The following ECHS1 variants were observed in gnomAD, a reference collection of about 807,000 sequenced individuals.
ECHS1 encodes enoyl-CoA hydratase, mitochondrial.
In ECHS1, 19 loss-of-function variants were observed where a neutral mutation model predicts 33.5. The ratio of observed to expected loss-of-function variants is 0.57; its 90% CI spans 0.40 to 0.83. The LOEUF (loss-of-function observed/expected upper bound fraction) is 0.83, where lower values mean the gene tolerates loss of function less well. ECHS1 is among the 40% of genes least tolerant of loss of function. The pLI, the probability that ECHS1 is intolerant of heterozygous loss-of-function variation, is 0.00. For missense variants in ECHS1, 365 were observed against 381.3 expected (o/e 0.96, Z 0.36); for synonymous variants, 158 against 146.6 (o/e 1.08, Z -0.56).
At chr10:133,371,521 C>T (rs375730662) in intron 1 of ECHS1, 1 of 154,570 alleles carries the variant, frequency 6.5e-6, no homozygotes, top group African/African-American at 2.4e-5. Flanking sequence ...CAACTGGACG[C>T]AGGGTGGGGG....
chr10:133,369,025 G>A lies in ECHS1; in HGVS notation c.415-3C>T, dbSNP rs1849070393. On this transcript the variant is annotated splice_polypyrimidine_tract_variant and splice_region_variant and intron_variant, in intron 3 of 7. Transcript: ENST00000368547. Reference sequence around the variant, plus strand: ...GCAAGCTCACAGCCCCCGCCAAACTGTAAAACATTCGGCATCAGGAGAGTC... The same window carrying A: ...GCAAGCTCACAGCCCCCGCCAAACTATAAAACATTCGGCATCAGGAGAGTC... 1 of 1,613,138 alleles carries A rather than the reference G, an allele frequency of 6.2e-7. No individual in the cohort carries two copies. Among genetic ancestry groups the A allele is most frequent in the South Asian group, 1.1e-5 (1 of 91,076 alleles).
In ECHS1 at chr10:133,362,606, C is replaced by T. The variant is rs1193028989; in HGVS notation, c.*262G>A. The T allele has an allele frequency of 1.3e-5, 7 of 526,840 alleles. No homozygotes were observed. Among genetic ancestry groups the T allele is most frequent in the African/African-American group, 3.8e-5 (2 of 52,254 alleles). The allele number at this position is 526,840 out of a possible 1,614,324, so 32.6% of individuals were successfully genotyped here. On this transcript the variant is annotated 3_prime_UTR_variant, in exon 8 of 8. Transcript: ENST00000368547. ...GGACCCGCAGGCCCCGCTTTCCGTCCGAGCACAGCATGCCCAGAGGGACCA... is the reference window on the plus strand; with the variant it reads ...GGACCCGCAGGCCCCGCTTTCCGTCTGAGCACAGCATGCCCAGAGGGACCA...
chr10:133,368,553 G>GA (rs1849062753), intron 4 of ECHS1, among the ~76,000 whole-genome samples: 1 of 152,074 alleles, frequency 6.6e-6, no homozygotes, highest in South Asian at 2.1e-4. Flanking sequence ...CAGGCCATGT[G>GA]ACCTCCATGG....
At chr10:133,364,567 C>T (rs190452347) in intron 7 of ECHS1, 91 bp downstream of exon 7, 61 of 1,044,244 alleles carry the variant, frequency 5.8e-5, no homozygotes, top group South Asian at 3.0e-4. Context: ...CAGAAAGAAA[C>T]GATACTTAAT....
intron 5 of ECHS1, 52 bp downstream of exon 5, chr10:133,366,837 G>A: frequency 6.9e-7 from 1 of 1,453,240 alleles, no homozygotes; most frequent in East Asian, 2.3e-5. Flanking sequence ...GTTTCTGTGG[G>A]GCTCCCACCC....
rs754134439 is a variant in ECHS1 at position 133,370,777 on chromosome 10, A to T, written c.89-20T>A. On this transcript the variant is annotated intron_variant, in intron 1 of 7. Transcript: ENST00000368547. ...TAGCACCTGGAGCAAGAAGGCAAAA[A>T]GGGGTATCTATTCACACAGGTATCA... 1.9e-5 allele frequency: 30 copies of T among 1,600,708 alleles called. No individual in the cohort carries two copies. The highest frequency in any genetic ancestry group is 2.4e-5 in the Non-Finnish European group (28 of 1,173,496).
rs372224994 is a variant in ECHS1, at chr10:133,362,968, C to T, written c.808-35G>A. 2.5e-5 allele frequency: 40 copies of T among 1,610,190 alleles called. No individual in the cohort carries two copies. The African/African-American group carries it at 2.8e-4, about 11-fold the overall frequency. The stretch of plus-strand genomic sequence containing the variant: ...AAAGGAACAGAAACAGAGCTGGACG[C>T]GCAGTATCCTCACAGAGCCTGATGC... On this transcript the variant is annotated intron_variant, in intron 7 of 7. Transcript: ENST00000368547.
At position 133,368,981 on chromosome 10, in the gene ECHS1, G is replaced by A. The variant is rs1348315184; in HGVS notation, c.456C>T (p.Ile152=). The A allele has an allele frequency of 6.2e-7, 1 of 1,613,680 alleles. No individual in the cohort carries two copies. Among genetic ancestry groups the A allele is most frequent in the South Asian group, 1.1e-5 (1 of 91,074 alleles). Residue 152 remains isoleucine (I), a synonymous_variant, in exon 4 of 8, where the codon ATC becomes ATT. Transcript: ENST00000368547. The stretch of plus-strand genomic sequence containing the variant: ...CAAACTGGGCCTTCTCACCGGCATA[G>A]ATGATATCACACATCATGGCAAGCT... The part of the protein sequence containing the change: ...GCELAMMCDI[I]YAGEKAQFAQ...
chr10:133,372,676 G>A (rs1468082107), intron 1 of ECHS1, among the ~76,000 whole-genome samples: 2 of 137,276 alleles, frequency 1.5e-5, no homozygotes, highest in East Asian at 4.0e-4. Flanking sequence ...TGCAGAGCCA[G>A]GCAGGGGGTG....
intron 4 of ECHS1, among the ~76,000 whole-genome samples, chr10:133,367,486 C>T (rs1452937091): frequency 6.6e-6 from 1 of 151,558 alleles, no homozygotes; most frequent in Non-Finnish European, 1.5e-5. Context: ...TTCTGTCACA[C>T]CTGCATAAGG....
At position 133,373,353 on chromosome 10, in the gene ECHS1, C is replaced by T; in HGVS notation, c.-20G>A. On this transcript the variant is annotated 5_prime_UTR_variant, in exon 1 of 8. Coordinates refer to ENST00000368547, the MANE Select transcript of ECHS1 (RefSeq NM_004092.4). ...GGCCATGGCTCTCTGGACTCCTCGC[C>T]CGGCCCCGCGGAGCCGCCCCCTCGC... The T allele has an allele frequency of 6.7e-7, 1 of 1,490,558 alleles. No individual in the cohort carries two copies. The highest frequency in any genetic ancestry group is 8.9e-7 in the Non-Finnish European group (1 of 1,126,702). 92.3% of individuals were successfully genotyped at this position (1,490,558 alleles called of 1,614,324 possible).
intron 3 of ECHS1, 114 bp from the exon 4 acceptor site, chr10:133,369,136 G>A: frequency 1.1e-6 from 1 of 892,786 alleles, no homozygotes; most frequent in Non-Finnish European, 1.7e-6. Flanking sequence ...GTATGACAAA[G>A]ACTAACATGG....
chr10:133,373,262 C>T lies in ECHS1; in HGVS notation c.72G>A (p.Trp24Ter), dbSNP rs776926045. ...PLRPPVRCPA[W>*]RPFASGANFE... Reference sequence around the variant, plus strand: ...CGCACTCACCCGAGGCGAAGGGACGCCAGGCGGGACAGCGAACCGGGGGCC... The same window carrying T: ...CGCACTCACCCGAGGCGAAGGGACGTCAGGCGGGACAGCGAACCGGGGGCC... Residue 24 changes from tryptophan (W) to a stop codon, truncating the protein, a stop_gained, in exon 1 of 8, where the codon TGG (tryptophan) becomes TGA (stop). Transcript: ENST00000368547. LOFTEE classifies it high-confidence loss of function. 4.8e-6 allele frequency: 7 copies of T among 1,445,518 alleles called. No homozygotes were observed. The African/African-American group carries it at 8.9e-5, about 18-fold the overall frequency. The allele number at this position is 1,445,518 out of a possible 1,614,324, so 89.5% of individuals were successfully genotyped here.
chr10:133,363,846 ATC>A (rs1848997655), intron 7 of ECHS1, among the ~76,000 whole-genome samples: 1 of 152,204 alleles, frequency 6.6e-6, no homozygotes, highest in East Asian at 1.9e-4. Context: ...ACTGGCAGAA[ATC>A]TTATAAAATA....
chr10:133,370,890 C>A, intron 1 of ECHS1, 133 bp from the exon 2 acceptor site: 1 of 764,694 alleles, frequency 1.3e-6, no homozygotes, highest in East Asian at 2.9e-5. Context: ...CTGCCGAGTC[C>A]TCAGTGGCTC....
chr10:133,364,555 A>G (rs1849005041), intron 7 of ECHS1, 103 bp downstream of exon 7: 2 of 930,786 alleles, frequency 2.1e-6, no homozygotes, highest in Non-Finnish European at 1.7e-6. Context: ...GGCAGTTCTG[A>G]CCAGAAAGAA....
chr10:133,369,111 G>GAAAC lies in ECHS1; in HGVS notation c.415-93_415-90dup, dbSNP rs1234959513. On this transcript the variant is annotated intron_variant, in intron 3 of 7. Transcript: ENST00000368547. ...GCTTATTCAAATTTTCCATTTAAAA[G>GAAAC]AAACAGTGTTGGGGGTATGACAAAG... The GAAAC allele has an allele frequency of 1.6e-5, 20 of 1,277,198 alleles. No individual in the cohort carries two copies. In the East Asian group the frequency reaches 4.3e-4, roughly 27 times the overall value. 79.1% of individuals were successfully genotyped at this position (1,277,198 alleles called of 1,614,324 possible). A position where few individuals can be genotyped will look rare whatever the true frequency, so the allele number is the denominator to read the frequency against.
Position 133,362,742 on chromosome 10 carries a change from G to C in ECHS1, c.*126C>G. 9.1e-7 allele frequency: 1 copy of C among 1,100,442 alleles called. No individual in the cohort carries two copies. Among genetic ancestry groups the C allele is most frequent in the South Asian group, 1.3e-5 (1 of 77,928 alleles). The allele number at this position is 1,100,442 out of a possible 1,614,324, so 68.2% of individuals were successfully genotyped here. A position where few individuals can be genotyped will look rare whatever the true frequency, so the allele number is the denominator to read the frequency against. ...TGAGAGGTCGGGCCACGACCACGCA[G>C]CAATTGGAGAGGAACTGCACACCAC... On this transcript the variant is annotated 3_prime_UTR_variant, in exon 8 of 8. Transcript: ENST00000368547.
At chr10:133,364,834 C>A in intron 6 of ECHS1, 109 bp from the exon 7 acceptor site, 1 of 841,222 alleles carries the variant, frequency 1.2e-6, no homozygotes, top group East Asian at 2.5e-5. Flanking sequence ...GTGCTTTCGA[C>A]GTGGCCCAGC....
Sources: allele counts gnomAD v4.1 joint callset (sites outside exome capture counted in the v4.1 genomes callset), GRCh38; gene constraint gnomAD v4.1.1; transcripts MANE v1.5; gene names NCBI Gene and HGNC (gene_info 2026-07-23, HGNC 2026-07-21).